Variants in DNAH10 observed in about 807,000 individuals in gnomAD.
DNAH10 encodes dynein axonemal heavy chain 10.
DNAH10 carries 348 observed loss-of-function variants against 506.6 expected under a neutral mutation model. That is an observed-to-expected ratio of 0.69 (90% CI 0.63 to 0.75). The LOEUF is 0.75. DNAH10 is among the 30% of genes least tolerant of loss of function. DNAH10 has a pLI of 0.00. For missense variants in DNAH10, 5,179 were observed against 5,787.1 expected (o/e 0.89, Z 3.41); for synonymous variants, 2,059 against 2,198.6 (o/e 0.94, Z 1.78).
intron 36 of DNAH10, among the ~76,000 whole-genome samples, chr12:123,855,115 A>T (rs1951333786): frequency 6.6e-6 from 1 of 152,148 alleles, no homozygotes; most frequent in South Asian, 2.1e-4. Flanking sequence ...GGGAACTGCA[A>T]TCCCCGGGGC....
At position 123,783,127 on chromosome 12, in the gene DNAH10, C is replaced by T; in HGVS notation, c.862C>T (p.Pro288Ser). ...CCTAGGTGAGATCAAGTTAGAAATG[C>T]CAATCATCAGTGTGGAGGGAGAGGT... ...QLEGEIKLEM[P>S]IISVEGEVSD... The change falls in exon 7 of 79, where the codon CCA becomes TCA. Residue 288 changes from proline (P) to serine (S), a missense_variant. Transcript: ENST00000673944. The T allele has an allele frequency of 6.2e-7, 1 of 1,614,136 alleles. No individual in the cohort carries two copies. Among genetic ancestry groups the T allele is most frequent in the Non-Finnish European group, 8.5e-7 (1 of 1,179,988 alleles).
intron 51 of DNAH10, 41 bp from the exon 52 acceptor site, chr12:123,887,101 T>C: frequency 1.9e-6 from 3 of 1,553,754 alleles, no homozygotes; most frequent in Non-Finnish European, 2.6e-6. Context: ...GAAGGGAGGC[T>C]GGTGGTGGTG....
In DNAH10 at chr12:123,928,539, G is replaced by C. The variant is rs756703853; in HGVS notation, c.12258G>C (p.Thr4086=). The C allele has an allele frequency of 1.2e-6, 2 of 1,610,614 alleles. No individual in the cohort carries two copies. Among genetic ancestry groups the C allele is most frequent in the Admixed American group, 3.4e-5 (2 of 59,598 alleles). Residue 4086 remains threonine, a synonymous_variant, in exon 70 of 79, where the codon ACG becomes ACC. Transcript: ENST00000673944. The surrounding 1 kb of genome is among the most constrained non-coding windows in gnomAD (Gnocchi z 4.9). The part of the protein sequence containing the change: ...PHPDFRLWLT[T]DPTKGFPIGI... ...CAGACTTCCGCCTGTGGCTCACCAC[G>C]GACCCCACCAAGGGCTTCCCCATTG... is the stretch of plus-strand genomic sequence containing the variant.
At chr12:123,772,751 A>C (rs1957301060) in intron 3 of DNAH10, 83 bp from the exon 4 acceptor site, 1 of 1,000,994 alleles carries the variant, frequency 1.0e-6, no homozygotes, top group Admixed American at 2.3e-5. Flanking sequence ...TTGAGAGGAG[A>C]GCTTAGGTGT....
chr12:123,852,724 C>T (rs1194271307), intron 35 of DNAH10, among the ~76,000 whole-genome samples: 1 of 152,190 alleles, frequency 6.6e-6, no homozygotes, highest in Non-Finnish European at 1.5e-5. Flanking sequence ...TAGGCATGCG[C>T]CACCACGCCT....
At chr12:123,799,414 A>T (rs901868043) in intron 14 of DNAH10, 43 bp downstream of exon 14, 1 of 1,586,822 alleles carries the variant, frequency 6.3e-7, no homozygotes, top group East Asian at 2.2e-5. Context: ...GCGTGAGACG[A>T]TGGCGTCTGC....
intron 30 of DNAH10, among the ~76,000 whole-genome samples, chr12:123,842,575 T>C (rs1212198003): frequency 6.6e-6 from 1 of 152,252 alleles, no homozygotes; most frequent in Non-Finnish European, 1.5e-5. Flanking sequence ...AAACATCTAC[T>C]TAAAAATTAT....
intron 69 of DNAH10, chr12:123,927,629 G>A (rs995347814): frequency 1.3e-5 from 2 of 152,396 alleles, no homozygotes; most frequent in East Asian, 3.8e-4. Flanking sequence ...GTGGGACAAA[G>A]CTTGCAGGAA....
intron 7 of DNAH10, 53 bp downstream of exon 7, chr12:123,783,317 C>A (rs1292372228): frequency 6.2e-7 from 1 of 1,600,372 alleles, no homozygotes; most frequent in Non-Finnish European, 8.5e-7. Flanking sequence ...GCTTACCATG[C>A]TGGGAAAGAG....
chr12:123,812,060 A>G (rs1274633936), intron 19 of DNAH10, among the ~76,000 whole-genome samples: 1 of 152,244 alleles, frequency 6.6e-6, no homozygotes, highest in African/African-American at 2.4e-5. Context: ...ACCAACCTAT[A>G]GTAGTTGTTA....
At chr12:123,882,111 T>C (rs1952536492) in intron 51 of DNAH10, 2 of 270,152 alleles carry the variant, frequency 7.4e-6, no homozygotes, top group South Asian at 3.4e-4. Flanking sequence ...AATATCCCAA[T>C]TAACCCATCA....
At position 123,850,549 on chromosome 12, in the gene DNAH10, A is replaced by G. The variant is rs1008039372; in HGVS notation, c.6103-339A>G. Among the ~76,000 whole-genome samples the G allele has an allele frequency of 6.6e-6, 1 of 152,170 alleles. No homozygotes were observed. On this transcript the variant is annotated intron_variant, in intron 34 of 78. Coordinates refer to ENST00000673944, the MANE Select transcript of DNAH10 (RefSeq NM_001372106.1). This position sits in a 1 kb window ranked among gnomAD's most constrained non-coding sequence, Gnocchi z 5.5. ...GGTTGCATTTCTGTTGTGCAGAAAA[A>G]TAAACTGAGACTCAGAGAGGTTAAG... is the stretch of plus-strand genomic sequence containing the variant.
At chr12:123,827,569 C>T (rs372560532) in intron 25 of DNAH10, among the ~76,000 whole-genome samples, 2 of 152,136 alleles carry the variant, frequency 1.3e-5, no homozygotes, top group African/African-American at 2.4e-5. Context: ...CACACAGACA[C>T]GAATTAGGAG....
chr12:123,867,857 G>C (rs754419612), intron 42 of DNAH10, 46 bp from the exon 43 acceptor site: 3 of 1,566,784 alleles, frequency 1.9e-6, no homozygotes, highest in African/African-American at 1.3e-5. Context: ...TGGACTCTGT[G>C]GGGGTGGACT....
At chr12:123,892,850 G>T (rs1379493751) in intron 52 of DNAH10, among the ~76,000 whole-genome samples, 1 of 152,222 alleles carries the variant, frequency 6.6e-6, no homozygotes, top group Admixed American at 6.5e-5. Flanking sequence ...TTAGATGCCA[G>T]TAGCAACCTC....
chr12:123,895,955 A>G (rs919057718), intron 54 of DNAH10, among the ~76,000 whole-genome samples: 1 of 151,962 alleles, frequency 6.6e-6, no homozygotes, highest in African/African-American at 2.4e-5. Context: ...TTTACTAAAA[A>G]TACAAAAATT....
At position 123,799,384 on chromosome 12, in the gene DNAH10, C is replaced by G. The variant is rs200819179; in HGVS notation, c.2289+13C>G. On this transcript the variant is annotated intron_variant, in intron 14 of 78. Transcript: ENST00000673944. ...CCTTTTGACCAAGGTGCGCTGCCCA[C>G]GCCCTCATTCCCGATTGCCGCGTGA... 1.2e-6 allele frequency: 2 copies of G among 1,606,974 alleles called. No homozygotes were observed. The highest frequency in any genetic ancestry group is 1.7e-6 in the Non-Finnish European group (2 of 1,175,658).
intron 12 of DNAH10, 61 bp downstream of exon 12, chr12:123,794,173 T>A: frequency 9.5e-7 from 1 of 1,051,594 alleles, no homozygotes; most frequent in Non-Finnish European, 1.2e-6. Flanking sequence ...ATGTGAACAA[T>A]TGAATCCCAC....
chr12:123,888,019 C>T (rs1406277651), intron 52 of DNAH10, among the ~76,000 whole-genome samples: 2 of 152,206 alleles, frequency 1.3e-5, no homozygotes, highest in Non-Finnish European at 1.5e-5. Flanking sequence ...GCTGGGATTA[C>T]AGGCGTGAGC....
Sources: gnomAD v4.1 joint callset for allele counts (sites outside exome capture counted in the v4.1 genomes callset) on GRCh38, gnomAD v4.1.1 for gene constraint, Gnocchi (gnomAD v3.1) non-coding constraint, MANE v1.5 for transcripts, NCBI Gene and HGNC (gene_info 2026-07-23, HGNC 2026-07-21) for gene names.